AUTS2: variants seen among roughly 807,000 people sequenced by gnomAD.
AUTS2 encodes activator of transcription and developmental regulator AUTS2.
AUTS2 carries 17 observed loss-of-function variants against 112.4 expected under a neutral mutation model. The observed-to-expected ratio is 0.15, with a 90% CI of 0.10 to 0.23. The LOEUF (loss-of-function observed/expected upper bound fraction) is 0.23. AUTS2 is among the 10% of genes least tolerant of loss of function. The probability of loss-of-function intolerance (pLI) is 1.00; values close to 1 mark genes in which losing one functional copy is unlikely to be tolerated. For synonymous variants in AUTS2, 751 were observed against 702.7 expected (o/e 1.07, Z -1.09); for missense variants, 1,510 against 1,701.6 (o/e 0.89, Z 1.98).
At chr7:70,714,539 T>A (rs1810250114) in intron 6 of AUTS2, among the ~76,000 whole-genome samples, 6 of 151,996 alleles carry the variant, frequency 3.9e-5, no homozygotes, top group Admixed American at 3.9e-4. Flanking sequence ...CCACAAGGGG[T>A]CATTTTACGT....
At chr7:69,713,196 G>A (rs576557215) in intron 1 of AUTS2, among the ~76,000 whole-genome samples, 1 of 152,230 alleles carries the variant, frequency 6.6e-6, no homozygotes, top group Non-Finnish European at 1.5e-5. Context: ...AGGGTATTTA[G>A]CATATCTACC....
intron 1 of AUTS2, among the ~76,000 whole-genome samples, chr7:69,894,830 T>C (rs927517695): frequency 2.6e-5 from 4 of 152,210 alleles, no homozygotes; most frequent in Non-Finnish European, 5.9e-5. Flanking sequence ...CATTTGCTCA[T>C]GCTTTCCTTG....
intron 4 of AUTS2, among the ~76,000 whole-genome samples, chr7:70,308,673 C>T (rs1789596369): frequency 6.6e-6 from 1 of 152,170 alleles, no homozygotes; most frequent in African/African-American, 2.4e-5. Context: ...ATAGTAAGTG[C>T]TCCATAGGTA....
chr7:70,233,427 AT>A (rs1812161490), intron 4 of AUTS2, among the ~76,000 whole-genome samples: 1 of 152,170 alleles, frequency 6.6e-6, no homozygotes, highest in Non-Finnish European at 1.5e-5. Flanking sequence ...CTTTTCAAAC[AT>A]TGTCGAGATT....
intron 1 of AUTS2, among the ~76,000 whole-genome samples, chr7:69,752,595 G>A (rs1400173473): frequency 3.3e-5 from 5 of 152,166 alleles, no homozygotes; most frequent in Non-Finnish European, 7.3e-5. Context: ...TTTTGATCAG[G>A]ATAATTGTTG....
chr7:70,366,249 CA>C (rs1792562974), intron 4 of AUTS2, among the ~76,000 whole-genome samples: 1 of 151,976 alleles, frequency 6.6e-6, no homozygotes, highest in African/African-American at 2.4e-5. Flanking sequence ...GATCCATAAG[CA>C]AATAACACAT....
intron 4 of AUTS2, among the ~76,000 whole-genome samples, chr7:70,139,118 C>A (rs1416860169): frequency 6.6e-6 from 1 of 152,104 alleles, no homozygotes; most frequent in Non-Finnish European, 1.5e-5. Context: ...ATGTGCATGC[C>A]ACCACACCTG....
At chr7:70,602,463 A>T (rs897853319) in intron 5 of AUTS2, among the ~76,000 whole-genome samples, 2 of 152,146 alleles carry the variant, frequency 1.3e-5, no homozygotes, top group Non-Finnish European at 2.9e-5. Context: ...CTATAAGTGG[A>T]TCCTCTCCCA....
intron 1 of AUTS2, among the ~76,000 whole-genome samples, chr7:69,718,747 C>T (rs1798755023): frequency 1.3e-5 from 2 of 152,080 alleles, no homozygotes; most frequent in Admixed American, 1.3e-4. Context: ...TTTGGGGAGC[C>T]ATTATTTCTA....
chr7:70,299,229 T>C lies in AUTS2; in HGVS notation c.661-136523T>C, dbSNP rs186732197. On this transcript the variant is annotated intron_variant, in intron 4 of 18. Coordinates refer to ENST00000342771, the MANE Select transcript of AUTS2 (RefSeq NM_015570.4). Reference sequence around the variant, plus strand: ...CTGTTCATCCTTTTGTAATGCACCATGTTTTTCTGCCTCCAGACTCTTTGG... The same window carrying C: ...CTGTTCATCCTTTTGTAATGCACCACGTTTTTCTGCCTCCAGACTCTTTGG... Among the ~76,000 whole-genome samples, 9 of 152,338 alleles carry C rather than the reference T, an allele frequency of 5.9e-5. No individual in the cohort carries two copies. In the East Asian group the frequency reaches 1.4e-3, roughly 23 times the overall value.
intron 4 of AUTS2, among the ~76,000 whole-genome samples, chr7:70,262,603 C>G (rs962087407): frequency 1.3e-5 from 2 of 152,144 alleles, no homozygotes; most frequent in Non-Finnish European, 2.9e-5. Context: ...TATTTAGAAA[C>G]TAATTTTAAG....
intron 4 of AUTS2, among the ~76,000 whole-genome samples, chr7:70,289,386 C>T (rs551075810): frequency 1.3e-5 from 2 of 152,314 alleles, no homozygotes; most frequent in East Asian, 1.9e-4. Context: ...CTCTTTCATT[C>T]GTGTGCCTAT....
At chr7:69,808,431 T>G (rs915476368) in intron 1 of AUTS2, among the ~76,000 whole-genome samples, 7 of 152,232 alleles carry the variant, frequency 4.6e-5, no homozygotes, top group African/African-American at 1.7e-4. Context: ...GGCACTATAC[T>G]AGTTTATTTA....
intron 4 of AUTS2, among the ~76,000 whole-genome samples, chr7:70,157,462 T>C (rs1327532058): frequency 2.0e-5 from 3 of 151,860 alleles, no homozygotes; most frequent in Non-Finnish European, 4.4e-5. Context: ...TATTGTTTTA[T>C]TATTTATTTA....
chr7:70,217,707 C>G (rs1044781106), intron 4 of AUTS2, among the ~76,000 whole-genome samples: 2 of 152,062 alleles, frequency 1.3e-5, no homozygotes, highest in Non-Finnish European at 2.9e-5. Flanking sequence ...GGTGATGTTT[C>G]AGTTTTCAAC....
In AUTS2 at chr7:70,569,067, C is replaced by T. The variant is rs182183409; in HGVS notation, c.691-129502C>T. Among the ~76,000 whole-genome samples the T allele has an allele frequency of 2.7e-3, 412 of 152,306 alleles. 2 individuals carry two copies. The highest frequency in any genetic ancestry group is 9.6e-3 in the African/African-American group (400 of 41,566). On this transcript the variant is annotated intron_variant, in intron 5 of 18. Coordinates refer to ENST00000342771, the MANE Select transcript of AUTS2 (RefSeq NM_015570.4). ...ATGGTCTATAGATAACTCACCCTCA[C>T]GATGCTCCGCTCTCCCCAAGTACTT...
At chr7:70,445,192 G>A (rs1796273214) in intron 5 of AUTS2, among the ~76,000 whole-genome samples, 1 of 152,148 alleles carries the variant, frequency 6.6e-6, no homozygotes, top group Admixed American at 6.5e-5. Flanking sequence ...TCTCAAGCAG[G>A]TGTCATTGTT....
chr7:70,013,264 C>A (rs1381862451), intron 2 of AUTS2, among the ~76,000 whole-genome samples: 2 of 152,190 alleles, frequency 1.3e-5, no homozygotes, highest in Non-Finnish European at 2.9e-5. Context: ...ACTGTCTAAA[C>A]CTTGAGGACT....
intron 1 of AUTS2, among the ~76,000 whole-genome samples, chr7:69,816,168 A>G (rs577992467): frequency 6.6e-6 from 1 of 152,336 alleles, no homozygotes; most frequent in Admixed American, 6.5e-5. Context: ...AATGGGGGCA[A>G]GCTTTCCCCG....
Sources: gnomAD v4.1 joint callset for allele counts (sites outside exome capture counted in the v4.1 genomes callset) on GRCh38, gnomAD v4.1.1 for gene constraint, MANE v1.5 for transcripts, NCBI Gene and HGNC (gene_info 2026-07-23, HGNC 2026-07-21) for gene names.